Variants in POTEE observed in about 807,000 individuals in gnomAD.
The protein encoded by POTEE is ANKRD26-like family C member 1A.
Under a neutral mutation model 74.2 loss-of-function variants are expected in POTEE, and 21 were observed. The observed-to-expected ratio is 0.28, with a 90% CI of 0.20 to 0.41. The LOEUF (loss-of-function observed/expected upper bound fraction) is 0.41. POTEE is among the 10% of genes least tolerant of loss of function. POTEE has a pLI of 1.00. For missense variants in POTEE, 525 were observed against 1,158.6 expected (o/e 0.45, Z 7.94); for synonymous variants, 211 against 432.8 (o/e 0.49, Z 6.36).
chr2:131,211,429 C>T (rs1369915362), intron 2 of POTEE, among the ~76,000 whole-genome samples: 2 of 144,036 alleles, frequency 1.4e-5, no homozygotes, highest in African/African-American at 5.1e-5. Flanking sequence ...GGAGTCCTCC[C>T]CCTTCTCTTG....
At chr2:131,233,170 C>G (rs1209879073) in intron 9 of POTEE, among the ~76,000 whole-genome samples, 1 of 152,086 alleles carries the variant, frequency 6.6e-6, no homozygotes, top group Non-Finnish European at 1.5e-5. Context: ...AAGATTAAAT[C>G]TGAGTATTAA....
chr2:131,260,524 A>C (rs1162742061), intron 16 of POTEE, among the ~76,000 whole-genome samples: 10 of 144,760 alleles, frequency 6.9e-5, no homozygotes, highest in Non-Finnish European at 1.5e-4. Context: ...TATATAGATC[A>C]CTCACTTTTT....
At chr2:131,225,139 T>C (rs1309499470) in intron 6 of POTEE, among the ~76,000 whole-genome samples, 1 of 152,194 alleles carries the variant, frequency 6.6e-6, no homozygotes, top group Non-Finnish European at 1.5e-5. Context: ...TCAGCTAGAA[T>C]TGTGCATCCC....
rs371011883 is a variant in POTEE at position 131,218,555 on chromosome 2, C to G, written c.153C>G (p.Asp51Glu). ...SNVGTSGDHD[D>E]SAMKTLRSKM... ...TGGGCACTTCTGGAGACCACGACGA[C>G]TCTGCTATGAAGACACTCAGGAGCA... The change falls in exon 4 of 18, where the codon GAC becomes GAG. Residue 51 changes from aspartate (D) to glutamate (E), a missense_variant. Coordinates refer to ENST00000683005, the MANE Select transcript of POTEE (RefSeq NM_001083538.3). The G allele has an allele frequency of 1.5e-5, 24 of 1,612,596 alleles. No individual in the cohort carries two copies. The East Asian group carries it at 4.0e-4, about 27-fold the overall frequency.
intron 2 of POTEE, among the ~76,000 whole-genome samples, chr2:131,214,770 A>G (rs1327833004): frequency 6.6e-6 from 1 of 152,264 alleles, no homozygotes; most frequent in East Asian, 1.9e-4. Flanking sequence ...AAGTGCTTTA[A>G]TGTCATAAAT....
At position 131,215,789 on chromosome 2, in the gene POTEE, C is replaced by G. The variant is rs530847316; in HGVS notation, c.-188-1800C>G. Among the ~76,000 whole-genome samples the G allele has an allele frequency of 3.7e-5, 5 of 135,278 alleles. No individual in the cohort carries two copies. The South Asian group carries it at 1.3e-3, about 36-fold the overall frequency. The allele number at this position is 135,278 out of a possible 152,430, so 88.7% of individuals were successfully genotyped here. A position where few individuals can be genotyped will look rare whatever the true frequency, so the allele number is the denominator to read the frequency against. On this transcript the variant is annotated intron_variant, in intron 2 of 17. Coordinates refer to ENST00000683005, the MANE Select transcript of POTEE (RefSeq NM_001083538.3). ...GAGTAGTGATAAATGTCCATGTTTT[C>G]GAGTTGAAAAGTAACAATCAGTGTA...
chr2:131,236,264 G>T (rs1327513284), intron 9 of POTEE, among the ~76,000 whole-genome samples: 1 of 152,094 alleles, frequency 6.6e-6, no homozygotes, highest in East Asian at 1.9e-4. Flanking sequence ...CTTGCTCTGG[G>T]ATGTCTGGAG....
Position 131,228,233 on chromosome 2 carries a change from T to C in POTEE, c.918-11T>C, listed in dbSNP as rs1471303481. 6.2e-7 allele frequency: 1 copy of C among 1,611,600 alleles called. No homozygotes were observed. Among genetic ancestry groups the C allele is most frequent in the African/African-American group, 1.3e-5 (1 of 74,774 alleles). ...ATAACTTTATTACAGTTCCTATCTC[T>C]GTCATTTTAGGACTGCTCTCATACT... On this transcript the variant is annotated splice_polypyrimidine_tract_variant and intron_variant, in intron 7 of 17. Coordinates refer to ENST00000683005, the MANE Select transcript of POTEE (RefSeq NM_001083538.3).
rs1250856061 is a variant in POTEE, at chr2:131,210,340, G to C, written c.-345+521G>C. Among the ~76,000 whole-genome samples, 14 of 147,010 alleles carry C rather than the reference G, an allele frequency of 9.5e-5. 1 individual carries two copies. Among genetic ancestry groups the C allele is most frequent in the East Asian group, 8.2e-4 (4 of 4,888 alleles). On this transcript the variant is annotated intron_variant, in intron 1 of 17. Transcript: ENST00000683005. ...TGCCTGTGGAAGGGGTGGTTGGGGGGGGGTATTGGGGTTACACTGCCTGCA... is the reference window on the plus strand; with the variant it reads ...TGCCTGTGGAAGGGGTGGTTGGGGGCGGGTATTGGGGTTACACTGCCTGCA...
rs777410341 is a variant in POTEE at position 131,218,602 on chromosome 2, A to G, written c.200A>G (p.His67Arg). ...LRSKMGKWCH[H>R]CFPCCRGSGK... ...AGCAAGATGGGCAAGTGGTGCCACC[A>G]CTGCTTCCCCTGCTGCAGGGGGAGT... Residue 67 changes from histidine (H) to arginine (R), a missense_variant, in exon 4 of 18, where the codon CAC becomes CGC. By Grantham distance (29) the His-to-Arg change is conservative. Transcript: ENST00000683005. 3.7e-6 allele frequency: 6 copies of G among 1,610,432 alleles called. No individual in the cohort carries two copies. The South Asian group carries it at 5.5e-5, about 15-fold the overall frequency.
chr2:131,263,752 C>T lies in POTEE; in HGVS notation c.2297C>T (p.Thr766Ile), dbSNP rs771753306. The T allele has an allele frequency of 5.0e-6, 8 of 1,612,082 alleles. No individual in the cohort carries two copies. The Admixed American group carries it at 1.3e-4, about 27-fold the overall frequency. Reference protein sequence around the residue: ...KEAQSKRGILTLKYPMEHGII... With the variant: ...KEAQSKRGILILKYPMEHGII... The stretch of plus-strand genomic sequence containing the variant: ...GCCCAGAGCAAGAGAGGCATCCTGA[C>T]CCTGAAGTACCCCATGGAACACGGC... Residue 766 changes from threonine to isoleucine, a missense_variant, in exon 18 of 18, where the codon ACC (threonine) becomes ATC (isoleucine). By Grantham distance (89) the Thr-to-Ile change is moderately conservative. Transcript: ENST00000683005.
chr2:131,210,148 C>CG (rs1317142623), intron 1 of POTEE, among the ~76,000 whole-genome samples: 24 of 142,820 alleles, frequency 1.7e-4, no homozygotes, highest in African/African-American at 6.3e-4. Context: ...ATGCTGGCAG[C>CG]GGGGGGTGGT....
In POTEE at chr2:131,209,550, AGT is replaced by A. The variant is rs1324357267; in HGVS notation, c.-610_-609del. 6.6e-6 allele frequency among the ~76,000 whole-genome samples: 1 copy of A among 152,158 alleles called. No homozygotes were observed. The highest frequency in any genetic ancestry group is 1.5e-5 in the Non-Finnish European group (1 of 68,016). Reference sequence around the variant, plus strand: ...GGCGTCAGGTCATTTCAGGCTCTTAAGTGTGGGCGTTTGGTAACCGGCATGGC... The same window carrying A: ...GGCGTCAGGTCATTTCAGGCTCTTAAGTGGGCGTTTGGTAACCGGCATGGC... On this transcript the variant is annotated 5_prime_UTR_variant, in exon 1 of 18. Coordinates refer to ENST00000683005, the MANE Select transcript of POTEE (RefSeq NM_001083538.3).
At position 131,218,166 on chromosome 2, in the gene POTEE, T is replaced by C. The variant is rs1350786859; in HGVS notation, c.-93-144T>C. On this transcript the variant is annotated intron_variant, in intron 3 of 17. Transcript: ENST00000683005. ...TTGGCCCTTTCTGGGGTTGGCCCTT[T>C]CTGGGGTGGGCGTGGGGTCGCCCAG... 4.1e-5 allele frequency: 36 copies of C among 886,892 alleles called. No homozygotes were observed. The African/African-American group carries it at 4.7e-4, about 11-fold the overall frequency. 54.9% of individuals were successfully genotyped at this position (886,892 alleles called of 1,614,324 possible).
chr2:131,222,224 C>A (rs1479442418), intron 4 of POTEE, among the ~76,000 whole-genome samples: 5 of 152,180 alleles, frequency 3.3e-5, no homozygotes, highest in Admixed American at 3.3e-4. Flanking sequence ...TACTATGCAG[C>A]CATAAAAGAA....
chr2:131,215,318 A>G (rs1700425211), intron 2 of POTEE, among the ~76,000 whole-genome samples: 1 of 152,204 alleles, frequency 6.6e-6, no homozygotes, highest in East Asian at 1.9e-4. Context: ...TCACTTACAG[A>G]ATATACAATG....
rs190657317 is a variant in POTEE at position 131,229,977 on chromosome 2, C to T, written c.1056-859C>T. Among the ~76,000 whole-genome samples, 279 of 152,228 alleles carry T rather than the reference C, an allele frequency of 1.8e-3. 6 individuals carry two copies. The highest frequency in any genetic ancestry group is 0.015 in the Admixed American group (223 of 15,282). On this transcript the variant is annotated intron_variant, in intron 8 of 17. Transcript: ENST00000683005. ...AAAAAAATAAAAGTAGACTTTTGGT[C>T]TCCCATGTCAGCTGGAATTGAACAT...
rs200221140 is a variant in POTEE, at chr2:131,228,393, C to T, written c.1055+12C>T. On this transcript the variant is annotated intron_variant, in intron 8 of 17. Coordinates refer to ENST00000683005, the MANE Select transcript of POTEE (RefSeq NM_001083538.3). Reference sequence around the variant, plus strand: ...AGTCATCATCATGTGTAAGTGTTTACATTAAAAGGCTAGTTAATGCTGAAT... The same window carrying T: ...AGTCATCATCATGTGTAAGTGTTTATATTAAAAGGCTAGTTAATGCTGAAT... 9.4e-4 allele frequency: 1,518 copies of T among 1,608,606 alleles called. No individual in the cohort carries two copies. Among genetic ancestry groups the T allele is most frequent in the Non-Finnish European group, 1.2e-3 (1,423 of 1,178,574 alleles).
chr2:131,217,413 T>A (rs1007447452), intron 2 of POTEE, among the ~76,000 whole-genome samples, 176 bp from the exon 3 acceptor site: 1 of 107,188 alleles, frequency 9.3e-6, no homozygotes, highest in Admixed American at 9.5e-5. Context: ...TCCGCGATTT[T>A]GAGGCCATTT....
Sources: allele counts gnomAD v4.1 joint callset (sites outside exome capture counted in the v4.1 genomes callset), GRCh38; gene constraint gnomAD v4.1.1; transcripts MANE v1.5; gene names NCBI Gene and HGNC (gene_info 2026-07-23, HGNC 2026-07-21).